Variants in ATP8B4 observed in about 807,000 individuals in gnomAD.
ATP8B4 encodes probable phospholipid-transporting ATPase IM.
ATP8B4 carries 133 observed loss-of-function variants against 145.6 expected under a neutral mutation model. The ratio of observed to expected loss-of-function variants is 0.91; its 90% confidence interval spans 0.79 to 1.05. The LOEUF (loss-of-function observed/expected upper bound fraction) is 1.05. Ranked by LOEUF, ATP8B4 falls within the 50% of genes least tolerant of loss-of-function variation. The pLI is 0.00. For missense variants in ATP8B4, 1,458 were observed against 1,425.2 expected (o/e 1.02, Z -0.37); for synonymous variants, 507 against 492.9 (o/e 1.03, Z -0.38).
chr15:49,894,083 T>A (rs773529714), intron 23 of ATP8B4, among the ~76,000 whole-genome samples: 2 of 152,182 alleles, frequency 1.3e-5, no homozygotes, highest in African/African-American at 2.4e-5. Context: ...AATTACTACT[T>A]GTCACTCTCC....
chr15:50,171,757 G>A (rs760097511), intron 1 of ATP8B4, among the ~76,000 whole-genome samples: 6 of 151,456 alleles, frequency 4.0e-5, no homozygotes, highest in Non-Finnish European at 8.8e-5. Context: ...AAAATACAAA[G>A]AATACATGAA....
At chr15:50,079,908 C>T (rs1016622722) in intron 2 of ATP8B4, among the ~76,000 whole-genome samples, 14 of 152,088 alleles carry the variant, frequency 9.2e-5, no homozygotes, top group Admixed American at 2.6e-4. Flanking sequence ...GTACAAGACC[C>T]GAAAGAAGAT....
intron 23 of ATP8B4, among the ~76,000 whole-genome samples, chr15:49,882,125 C>T (rs188277624): frequency 1.3e-5 from 2 of 152,286 alleles, no homozygotes; most frequent in African/African-American, 2.4e-5. Context: ...TCTCTACCCT[C>T]GATAGGCACT....
chr15:49,934,438 C>T (rs964822195), intron 14 of ATP8B4, among the ~76,000 whole-genome samples: 6 of 151,876 alleles, frequency 4.0e-5, no homozygotes, highest in African/African-American at 1.5e-4. Context: ...TGTACAGATC[C>T]TCAAATGCTC....
At chr15:50,163,811 T>C (rs984307603) in intron 1 of ATP8B4, among the ~76,000 whole-genome samples, 1 of 152,168 alleles carries the variant, frequency 6.6e-6, no homozygotes, top group Non-Finnish European at 1.5e-5. Context: ...TGGTACTCTA[T>C]TCTACCATGG....
chr15:49,912,600 A>G (rs2153447196), intron 20 of ATP8B4, among the ~76,000 whole-genome samples: 1 of 152,318 alleles, frequency 6.6e-6, no homozygotes, highest in East Asian at 1.9e-4. Context: ...TGTAAAGAAG[A>G]ATTACTATAA....
intron 1 of ATP8B4, among the ~76,000 whole-genome samples, chr15:50,129,593 T>C (rs2057331052): frequency 6.6e-6 from 1 of 152,170 alleles, no homozygotes; most frequent in South Asian, 2.1e-4. Context: ...AATCTTAACA[T>C]CTGCAAAGAC....
At chr15:49,918,215 C>CGATG (rs1256742093) in intron 19 of ATP8B4, among the ~76,000 whole-genome samples, 1 of 152,106 alleles carries the variant, frequency 6.6e-6, no homozygotes, top group Non-Finnish European at 1.5e-5. Flanking sequence ...TAGTAGAACA[C>CGATG]GATGATTCAC....
At position 50,163,770 on chromosome 15, in the gene ATP8B4, G is replaced by A. The variant is rs115470189; in HGVS notation, c.-43+18491C>T. Reference sequence around the variant, plus strand: ...GGTCAAGATGCTGTTCAGGAACCAGGACCTAAAGTCAGGAACCTTAGAAAT... The same window carrying A: ...GGTCAAGATGCTGTTCAGGAACCAGAACCTAAAGTCAGGAACCTTAGAAAT... On this transcript the variant is annotated intron_variant, in intron 1 of 3. Transcript: ENST00000558829. Among the ~76,000 whole-genome samples, 927 of 152,298 alleles carry A rather than the reference G, an allele frequency of 6.1e-3. 10 individuals are homozygous for A. The highest frequency in any genetic ancestry group is 0.022 in the African/African-American group (899 of 41,544).
chr15:50,065,853 T>C (rs960587006), intron 3 of ATP8B4, among the ~76,000 whole-genome samples: 3 of 152,032 alleles, frequency 2.0e-5, no homozygotes, highest in African/African-American at 7.2e-5. Flanking sequence ...TCAAAGCAGA[T>C]GGAATGGGAA....
chr15:49,947,729 G>C (rs1315941673), intron 14 of ATP8B4, among the ~76,000 whole-genome samples: 1 of 152,062 alleles, frequency 6.6e-6, no homozygotes, highest in East Asian at 1.9e-4. Flanking sequence ...CATGTTACAA[G>C]CTACAGTCAT....
At chr15:50,086,017 G>T (rs1184167422) in intron 2 of ATP8B4, among the ~76,000 whole-genome samples, 8 of 53,112 alleles carry the variant, frequency 1.5e-4, no homozygotes, top group African/African-American at 2.7e-4. Flanking sequence ...AATATATATA[G>T]ATCTATATTT....
chr15:50,073,001 TATATATATATATATATATACACACACAC>T (rs2053920723), intron 3 of ATP8B4, among the ~76,000 whole-genome samples: 2 of 56,750 alleles, frequency 3.5e-5, no homozygotes, highest in African/African-American at 1.0e-4. Flanking sequence ...TATATATATA[TATATATATATATATATATACACACACAC>T]ACACACACAC....
intron 1 of ATP8B4, among the ~76,000 whole-genome samples, chr15:50,148,093 A>C (rs75289476): frequency 0.019 from 2,853 of 152,200 alleles, 38 homozygotes; most frequent in Non-Finnish European, 0.03. Context: ...GGTCTGACAC[A>C]CTGAGAAGGA....
intron 6 of ATP8B4, among the ~76,000 whole-genome samples, chr15:50,038,413 C>T (rs897668483): frequency 6.6e-6 from 1 of 152,144 alleles, no homozygotes; most frequent in Non-Finnish European, 1.5e-5. Flanking sequence ...CAATATTCCC[C>T]AGAAATTACC....
chr15:50,032,704 A>G (rs2050539668), intron 6 of ATP8B4, among the ~76,000 whole-genome samples: 1 of 152,196 alleles, frequency 6.6e-6, no homozygotes, highest in South Asian at 2.1e-4. Context: ...GTAGCCCCTA[A>G]AAATCGTATG....
At chr15:50,002,104 T>A in intron 8 of ATP8B4, 49 bp downstream of exon 8, 1 of 1,455,150 alleles carries the variant, frequency 6.9e-7, no homozygotes, top group Non-Finnish European at 9.5e-7. Flanking sequence ...AGACATTACT[T>A]TTAAATAAAT....
At chr15:50,110,196 G>C (rs1219551713) in intron 1 of ATP8B4, among the ~76,000 whole-genome samples, 1 of 152,062 alleles carries the variant, frequency 6.6e-6, no homozygotes, top group Non-Finnish European at 1.5e-5. Flanking sequence ...TCTTATTAAT[G>C]ATCCTAGTCA....
rs755159123 is a variant in ATP8B4, at chr15:50,114,103, C to CTTTTTTTTTTTTTTTTT, written c.-43+5003_-43+5019dup. ...ATTTTCCTTCTTGGTCTCCTAGTTT[C>CTTTTTTTTTTTTTTTTT]TTTTTTTTTTTTTTTTTTTTTTTTT... On this transcript the variant is annotated intron_variant, in intron 1 of 27. Transcript: ENST00000284509. 1.1e-3 allele frequency among the ~76,000 whole-genome samples: 59 copies of CTTTTTTTTTTTTTTTTT among 55,654 alleles called. 5 individuals carry two copies. The highest frequency in any genetic ancestry group is 1.4e-3 in the Non-Finnish European group (46 of 31,916). 36.5% of individuals were successfully genotyped at this position (55,654 alleles called of 152,430 possible).
Sources: allele counts gnomAD v4.1 joint callset (sites outside exome capture counted in the v4.1 genomes callset), GRCh38; gene constraint gnomAD v4.1.1; transcripts MANE v1.5; gene names NCBI Gene and HGNC (gene_info 2026-07-23, HGNC 2026-07-21).